Variants in PDE3A observed in about 807,000 individuals in gnomAD.
The protein encoded by PDE3A is cGMP-inhibited 3',5'-cyclic phosphodiesterase 3A.
In PDE3A, 43 loss-of-function variants were observed where a neutral mutation model predicts 98.3. The ratio of observed to expected loss-of-function variants is 0.44; its 90% confidence interval spans 0.34 to 0.56. The LOEUF (loss-of-function observed/expected upper bound fraction) is 0.56, where lower values mean the gene tolerates loss of function less well. Ranked by LOEUF, PDE3A falls within the 20% of genes least tolerant of loss-of-function variation. The pLI is 0.01. For missense variants in PDE3A, 1,427 were observed against 1,440.7 expected (o/e 0.99, Z 0.15); for synonymous variants, 663 against 567.9 (o/e 1.17, Z -2.38).
At chr12:20,402,511 A>T (rs1010407875) in intron 1 of PDE3A, among the ~76,000 whole-genome samples, 2 of 152,030 alleles carry the variant, frequency 1.3e-5, no homozygotes, top group Admixed American at 1.3e-4. Flanking sequence ...TCAAATATAA[A>T]ATCATTTACT....
chr12:20,376,559 A>G (rs1373921335), intron 1 of PDE3A, among the ~76,000 whole-genome samples: 1 of 151,986 alleles, frequency 6.6e-6, no homozygotes, highest in African/African-American at 2.4e-5. Flanking sequence ...AGTTGCACTG[A>G]AAAGTCTAAC....
At chr12:20,599,785 C>T (rs1045580550) in intron 2 of PDE3A, among the ~76,000 whole-genome samples, 1 of 152,148 alleles carries the variant, frequency 6.6e-6, no homozygotes, top group African/African-American at 2.4e-5. Context: ...TTCCATTTTA[C>T]AGCCAGTTTT....
intron 1 of PDE3A, among the ~76,000 whole-genome samples, chr12:20,382,386 G>A (rs73232473): frequency 0.015 from 2,210 of 151,902 alleles, 57 homozygotes; most frequent in African/African-American, 0.05. Context: ...CTATACACAC[G>A]CACTATAGTT....
chr12:20,592,627 A>T (rs1943367945), intron 2 of PDE3A, among the ~76,000 whole-genome samples: 1 of 152,172 alleles, frequency 6.6e-6, no homozygotes, highest in South Asian at 2.1e-4. Context: ...GGACTGCTGA[A>T]AATGAGGGAG....
chr12:20,386,572 C>A (rs34151895), intron 1 of PDE3A, among the ~76,000 whole-genome samples: 1 of 151,636 alleles, frequency 6.6e-6, no homozygotes, highest in East Asian at 1.9e-4. Context: ...GTCTCCTGAC[C>A]TCAAGTGATC....
At chr12:20,589,368 T>C (rs77188872) in intron 2 of PDE3A, among the ~76,000 whole-genome samples, 5,718 of 152,298 alleles carry the variant, frequency 0.038, 159 homozygotes, top group Non-Finnish European at 0.062. Flanking sequence ...GTAAATTATA[T>C]TGTTCATGGT....
rs7971347 is a variant in PDE3A at position 20,507,718 on chromosome 12, C to T, written c.961-48942C>T. ...AATCCTGAAGGCATCTCTGACTCCC[C>T]TTTCTCTGTTACACCTCACATCCAA... On this transcript the variant is annotated intron_variant, in intron 1 of 15. Coordinates refer to ENST00000359062, the MANE Select transcript of PDE3A (RefSeq NM_000921.5). 1.0e-2 allele frequency among the ~76,000 whole-genome samples: 1,522 copies of T among 152,234 alleles called. 33 individuals are homozygous for T. The highest frequency in any genetic ancestry group is 0.034 in the African/African-American group (1,429 of 41,556).
rs112439185 is a variant in PDE3A, at chr12:20,370,792, G to A, written c.960+548G>A. Among the ~76,000 whole-genome samples, 1,091 of 152,314 alleles carry A rather than the reference G, an allele frequency of 7.2e-3. 5 individuals are homozygous for A. Among genetic ancestry groups the A allele is most frequent in the Non-Finnish European group, 0.012 (791 of 68,032 alleles). On this transcript the variant is annotated intron_variant, in intron 1 of 15. Coordinates refer to ENST00000359062, the MANE Select transcript of PDE3A (RefSeq NM_000921.5). ...GTGAGGAATTGATACACATTTTCTG[G>A]TTTTGCAGTAAGTTTTATTTGGAGA...
intron 15 of PDE3A, among the ~76,000 whole-genome samples, chr12:20,664,904 T>A (rs1945270017): frequency 6.6e-6 from 1 of 152,174 alleles, no homozygotes; most frequent in Non-Finnish European, 1.5e-5. Flanking sequence ...CTTACCAACA[T>A]ACTCAACTGC....
At chr12:20,644,655 G>C (rs1489446411) in intron 10 of PDE3A, among the ~76,000 whole-genome samples, 1 of 152,056 alleles carries the variant, frequency 6.6e-6, no homozygotes, top group Non-Finnish European at 1.5e-5. Context: ...TAAATGTAAT[G>C]GGCTCATATC....
rs555661019 is a variant in PDE3A at position 20,532,927 on chromosome 12, C to G, written c.961-23733C>G. 2.7e-4 allele frequency among the ~76,000 whole-genome samples: 41 copies of G among 152,256 alleles called. No individual in the cohort carries two copies. In the East Asian group the frequency reaches 7.7e-3, roughly 29 times the overall value. ...TCCTGACCTCGTGATCCGCCCGCCT[C>G]GGCCTCCCAAAGTGCTGGGATTACA... is the stretch of plus-strand genomic sequence containing the variant. On this transcript the variant is annotated intron_variant, in intron 1 of 15. Coordinates refer to ENST00000359062, the MANE Select transcript of PDE3A (RefSeq NM_000921.5).
chr12:20,484,305 A>T (rs1015235883), intron 1 of PDE3A, among the ~76,000 whole-genome samples: 3 of 152,188 alleles, frequency 2.0e-5, no homozygotes, highest in African/African-American at 7.2e-5. Flanking sequence ...TAATTCAGTA[A>T]TAGTCTGTTT....
intron 2 of PDE3A, among the ~76,000 whole-genome samples, chr12:20,582,282 C>T (rs1008226031): frequency 1.3e-5 from 2 of 152,088 alleles, no homozygotes; most frequent in Admixed American, 1.3e-4. Flanking sequence ...CAACCTCTGC[C>T]TCCAGGGTTC....
intron 1 of PDE3A, among the ~76,000 whole-genome samples, chr12:20,457,733 TAAA>T (rs1207865558): frequency 6.6e-6 from 1 of 151,966 alleles, no homozygotes; most frequent in East Asian, 1.9e-4. Context: ...TTATATCTGT[TAAA>T]AAATAACTTG....
chr12:20,404,035 G>T (rs10841509), intron 1 of PDE3A, among the ~76,000 whole-genome samples: 10,737 of 151,868 alleles, frequency 0.071, 1,135 homozygotes, highest in African/African-American at 0.23. Context: ...TTTTTGGCAG[G>T]TATGTTTGCA....
chr12:20,571,872 C>T (rs1942808337), intron 2 of PDE3A: 1 of 1,030,852 alleles, frequency 9.7e-7, no homozygotes, highest in Non-Finnish European at 1.2e-6. Flanking sequence ...TCATTTGACT[C>T]TCCAATAGTG....
chr12:20,599,865 T>G (rs1943548151), intron 2 of PDE3A, among the ~76,000 whole-genome samples: 1 of 152,054 alleles, frequency 6.6e-6, no homozygotes, highest in East Asian at 1.9e-4. Context: ...GCAATGTGGC[T>G]TGCTACCTCA....
chr12:20,557,338 TC>T (rs1942396062), intron 2 of PDE3A: 1 of 152,412 alleles, frequency 6.6e-6, no homozygotes, highest in South Asian at 2.1e-4. Flanking sequence ...ATAATTACTT[TC>T]CCTGATGGAA....
Position 20,654,176 on chromosome 12 carries a change from A to C in PDE3A, c.3155A>C (p.Glu1052Ala). 1.9e-6 allele frequency: 3 copies of C among 1,614,150 alleles called. No homozygotes were observed. The highest frequency in any genetic ancestry group is 1.6e-4 in the Middle Eastern group (1 of 6,062). Residue 1052 changes from glutamate (E) to alanine (A), a missense_variant, in exon 15 of 16, where the codon GAG (glutamate) becomes GCG (alanine). Physicochemically the swap from Glu to Ala is moderately radical, Grantham distance 107. Around this residue, in one of 3 missense-constraint regions of PDE3A, gnomAD observed 142 missense variants for 133.9 expected, o/e 1.06. Coordinates refer to ENST00000359062, the MANE Select transcript of PDE3A (RefSeq NM_000921.5). ...GAAGAAGCACCAGCACCAAATGAAG[A>C]GGAAACCTGTGAAAATAATGAATCT... ...EEEEAPAPNEEETCENNESPK... is the reference protein window; with the variant it reads ...EEEEAPAPNEAETCENNESPK...
Sources: gnomAD v4.1 joint callset for allele counts (sites outside exome capture counted in the v4.1 genomes callset) on GRCh38, gnomAD v4.1.1 for gene constraint, gnomAD v4.1.1 regional missense constraint, MANE v1.5 for transcripts, NCBI Gene and HGNC (gene_info 2026-07-23, HGNC 2026-07-21) for gene names.